Variants in CACNA1A observed in about 807,000 individuals in gnomAD.
CACNA1A encodes the protein calcium voltage-gated channel subunit alpha1 A.
CACNA1A carries 57 observed loss-of-function variants against 262.4 expected under a neutral mutation model. The ratio of observed to expected loss-of-function variants is 0.22; its 90% CI spans 0.18 to 0.27. The LOEUF is 0.27. Among genes scored for constraint, CACNA1A ranks in the 10% least tolerant of loss-of-function variants. The pLI, the probability that CACNA1A is intolerant of heterozygous loss-of-function variation, is 1.00. For missense variants in CACNA1A, 2,526 were observed against 3,562.8 expected (o/e 0.71, Z 7.41); for synonymous variants, 1,431 against 1,419.3 (o/e 1.01, Z -0.18).
At chr19:13,487,392 C>G (rs191189882) in intron 1 of CACNA1A, among the ~76,000 whole-genome samples, 1 of 151,996 alleles carries the variant, frequency 6.6e-6, no homozygotes, top group East Asian at 1.9e-4. Flanking sequence ...ACCTGGATGG[C>G]GAGAGGTTGT....
At chr19:13,481,528 G>A (rs992384721) in intron 1 of CACNA1A, among the ~76,000 whole-genome samples, 1 of 143,278 alleles carries the variant, frequency 7.0e-6, no homozygotes, top group Non-Finnish European at 1.5e-5. Flanking sequence ...GGAGTTCAAA[G>A]AAGTGGGTGG....
intron 6 of CACNA1A, among the ~76,000 whole-genome samples, chr19:13,353,288 T>G (rs1378608908): frequency 1.4e-5 from 2 of 143,804 alleles, no homozygotes; most frequent in South Asian, 4.6e-4. Context: ...CTGGCTGATT[T>G]TTGTATTTTT....
chr19:13,382,329 T>C (rs567998548), intron 3 of CACNA1A, among the ~76,000 whole-genome samples: 3 of 152,268 alleles, frequency 2.0e-5, no homozygotes, highest in Admixed American at 1.3e-4. Context: ...ACCTTTCCCA[T>C]TGCCTTAACT....
intron 3 of CACNA1A, among the ~76,000 whole-genome samples, chr19:13,432,394 G>A (rs1437379917): frequency 6.7e-6 from 1 of 149,030 alleles, no homozygotes; most frequent in Non-Finnish European, 1.5e-5. Flanking sequence ...CAGACTGGGT[G>A]ACAGAGCGAG....
At chr19:13,221,828 G>T (rs1360122183) in intron 38 of CACNA1A, among the ~76,000 whole-genome samples, 1 of 151,966 alleles carries the variant, frequency 6.6e-6, no homozygotes, top group Non-Finnish European at 1.5e-5. Context: ...CGCCTCCCTG[G>T]CCTCCTCTTC....
chr19:13,270,252 A>ACCT (rs1204853100), intron 24 of CACNA1A, among the ~76,000 whole-genome samples: 1 of 152,174 alleles, frequency 6.6e-6, no homozygotes, highest in Non-Finnish European at 1.5e-5. Context: ...GCACATCTAG[A>ACCT]GAGAAATCAA....
chr19:13,210,889 G>A, intron 43 of CACNA1A: 1 of 587,042 alleles, frequency 1.7e-6, no homozygotes, highest in South Asian at 2.1e-5. Context: ...TGGGTACAGA[G>A]GAGACAGACA....
At chr19:13,504,936 G>C (rs891107987) in intron 1 of CACNA1A, among the ~76,000 whole-genome samples, 5 of 151,932 alleles carry the variant, frequency 3.3e-5, no homozygotes, top group Admixed American at 2.0e-4. Context: ...GAAAATGTGG[G>C]CTTCACCTTT....
chr19:13,459,236 T>A (rs954360352), intron 1 of CACNA1A, among the ~76,000 whole-genome samples: 2 of 152,196 alleles, frequency 1.3e-5, no homozygotes, highest in African/African-American at 4.8e-5. Flanking sequence ...TCTCCTCTTC[T>A]GCCCTGGAGT....
At chr19:13,239,469 C>T (rs1396752459) in intron 31 of CACNA1A, among the ~76,000 whole-genome samples, 2 of 152,214 alleles carry the variant, frequency 1.3e-5, no homozygotes, top group East Asian at 1.9e-4. Flanking sequence ...CCCCACCTGA[C>T]TGTATGTGGT....
At chr19:13,345,895 C>CTTTTTT (rs55982966) in intron 6 of CACNA1A, among the ~76,000 whole-genome samples, 5 of 100,532 alleles carry the variant, frequency 5.0e-5, no homozygotes, top group Admixed American at 2.4e-4. Flanking sequence ...TTCACGAAGT[C>CTTTTTT]TTTTTTTTTT....
intron 21 of CACNA1A, 143 bp downstream of exon 21, chr19:13,284,925 G>A: frequency 1.5e-6 from 1 of 687,258 alleles, no homozygotes; most frequent in East Asian, 2.6e-5. Context: ...ACTTACGGAA[G>A]GAGCATCCAT....
At chr19:13,368,158 C>CA (rs2059250999) in intron 4 of CACNA1A, among the ~76,000 whole-genome samples, 1 of 151,750 alleles carries the variant, frequency 6.6e-6, no homozygotes, top group African/African-American at 2.4e-5. Context: ...CTACAAAATA[C>CA]AAAAAAATTA....
At chr19:13,319,582 C>A (rs1301231781) in intron 10 of CACNA1A, among the ~76,000 whole-genome samples, 1 of 152,134 alleles carries the variant, frequency 6.6e-6, no homozygotes. Context: ...TTCCTATCAG[C>A]AAAATTCTCA....
intron 6 of CACNA1A, among the ~76,000 whole-genome samples, chr19:13,342,935 ATTT>A (rs1288132502): frequency 6.6e-6 from 1 of 151,996 alleles, no homozygotes; most frequent in Non-Finnish European, 1.5e-5. Context: ...AAATTTTTAT[ATTT>A]TGTAGAGAGG....
At chr19:13,304,303 G>A (rs114076240) in intron 15 of CACNA1A, among the ~76,000 whole-genome samples, 2,388 of 152,090 alleles carry the variant, frequency 0.016, 71 homozygotes, top group African/African-American at 0.055. Flanking sequence ...TGAGGTCATG[G>A]GGGACTTCAT....
chr19:13,264,215 T>C (rs2056810215), intron 24 of CACNA1A, among the ~76,000 whole-genome samples: 1 of 152,138 alleles, frequency 6.6e-6, no homozygotes, highest in African/African-American at 2.4e-5. Flanking sequence ...TTGTGGTTCA[T>C]GGCACTCATG....
intron 3 of CACNA1A, among the ~76,000 whole-genome samples, chr19:13,431,170 A>G (rs1419115204): frequency 6.6e-6 from 1 of 151,614 alleles, no homozygotes; most frequent in Non-Finnish European, 1.5e-5. Context: ...AGTGGCTCAC[A>G]GGTGCCCTCT....
intron 3 of CACNA1A, among the ~76,000 whole-genome samples, chr19:13,425,386 C>T (rs1363696447): frequency 6.6e-6 from 1 of 152,094 alleles, no homozygotes; most frequent in Admixed American, 6.6e-5. Context: ...AGGGGTGGGG[C>T]AAAGTCCAGG....
Sources: allele counts gnomAD v4.1 joint callset (sites outside exome capture counted in the v4.1 genomes callset), GRCh38; gene constraint gnomAD v4.1.1; transcripts MANE v1.5; gene names NCBI Gene and HGNC (gene_info 2026-07-23, HGNC 2026-07-21).